RBFOX1: variants seen among roughly 807,000 people sequenced by gnomAD.
The protein encoded by RBFOX1 is RNA binding fox-1 homolog 1, also known as RNA binding protein fox-1 homolog 1.
In RBFOX1, 8 loss-of-function variants were observed where a neutral mutation model predicts 57.7. The ratio of observed to expected loss-of-function variants is 0.14; its 90% CI spans 0.08 to 0.25. The LOEUF is 0.25. RBFOX1 is among the 10% of genes least tolerant of loss of function. The pLI, the probability that RBFOX1 is intolerant of heterozygous loss-of-function variation, is 1.00. For missense variants in RBFOX1, 611 were observed against 548.5 expected (o/e 1.11, Z -1.14); for synonymous variants, 326 against 222.4 (o/e 1.47, Z -4.15).
chr16:7,704,891 G>A (rs1398852470), intron 14 of RBFOX1, among the ~76,000 whole-genome samples: 5 of 151,696 alleles, frequency 3.3e-5, no homozygotes, highest in Non-Finnish European at 7.4e-5. Context: ...TCTACAAAAT[G>A]CAAAATTTAG....
At chr16:6,841,789 C>T (rs192787792) in intron 3 of RBFOX1, among the ~76,000 whole-genome samples, 1 of 152,202 alleles carries the variant, frequency 6.6e-6, no homozygotes, top group South Asian at 2.1e-4. Flanking sequence ...ATTCTCAAGC[C>T]AGTGAACATC....
chr16:6,954,183 G>T (rs1381944299), intron 3 of RBFOX1, among the ~76,000 whole-genome samples: 3 of 152,176 alleles, frequency 2.0e-5, no homozygotes, highest in African/African-American at 7.2e-5. Flanking sequence ...ATGTCAAAAA[G>T]TTACTCACAT....
At chr16:6,203,405 G>A (rs556094204) in intron 1 of RBFOX1, among the ~76,000 whole-genome samples, 1 of 152,196 alleles carries the variant, frequency 6.6e-6, no homozygotes, top group South Asian at 2.1e-4. Flanking sequence ...GTCTGTCCAA[G>A]TAAATCCAAA....
At chr16:6,701,681 G>A (rs117844180) in intron 3 of RBFOX1, among the ~76,000 whole-genome samples, 4 of 152,100 alleles carry the variant, frequency 2.6e-5, no homozygotes, top group Middle Eastern at 3.2e-3. Flanking sequence ...ATTCATAATA[G>A]CAAAGACATG....
chr16:5,790,334 AG>A (rs1190925183), intron 3 of RBFOX1, among the ~76,000 whole-genome samples: 2 of 152,172 alleles, frequency 1.3e-5, no homozygotes, highest in African/African-American at 4.8e-5. Flanking sequence ...TGCCAGAGGG[AG>A]AAACCCCTGC....
intron 3 of RBFOX1, among the ~76,000 whole-genome samples, chr16:6,714,654 C>G (rs540849792): frequency 3.2e-4 from 48 of 152,206 alleles, no homozygotes; most frequent in African/African-American, 1.1e-3. Flanking sequence ...ACAGCCAGGT[C>G]CATGTGCACT....
chr16:6,187,944 G>T (rs2097115798), intron 1 of RBFOX1, among the ~76,000 whole-genome samples: 1 of 152,090 alleles, frequency 6.6e-6, no homozygotes, highest in South Asian at 2.1e-4. Context: ...GCACATGAAT[G>T]TGTGTATTTA....
At chr16:6,158,667 A>C (rs1229465835) in intron 1 of RBFOX1, among the ~76,000 whole-genome samples, 6 of 152,224 alleles carry the variant, frequency 3.9e-5, no homozygotes, top group African/African-American at 1.4e-4. Context: ...AGAAAAAGTC[A>C]GACAAAAGTC....
chr16:6,548,270 C>T (rs530218023), intron 2 of RBFOX1, among the ~76,000 whole-genome samples: 2 of 152,244 alleles, frequency 1.3e-5, no homozygotes, highest in African/African-American at 4.8e-5. Flanking sequence ...GTCAAAAAAG[C>T]TATAGTGTCC....
rs950660037 is a variant in RBFOX1, at chr16:7,446,896, T to C, written c.28-71251T>C. Among the ~76,000 whole-genome samples the C allele has an allele frequency of 1.0e-4, 13 of 124,274 alleles. No homozygotes were observed. The Admixed American group carries it at 1.1e-3, about 10-fold the overall frequency. 81.5% of individuals were successfully genotyped at this position (124,274 alleles called of 152,430 possible). ...AGTGTGATCTCGGCTCACTGCAAACTCCACCTCCTGGGTTCACAGCATTCT... is the reference window on the plus strand; with the variant it reads ...AGTGTGATCTCGGCTCACTGCAAACCCCACCTCCTGGGTTCACAGCATTCT... On this transcript the variant is annotated intron_variant, in intron 4 of 15. Transcript: ENST00000550418.
At chr16:5,530,401 C>G (rs986594290) in intron 2 of RBFOX1, among the ~76,000 whole-genome samples, 1 of 152,096 alleles carries the variant, frequency 6.6e-6, no homozygotes, top group Non-Finnish European at 1.5e-5. Flanking sequence ...AGTGACTTGC[C>G]CAAGGTCAAG....
At chr16:7,425,752 C>G (rs528820726) in intron 4 of RBFOX1, among the ~76,000 whole-genome samples, 57 of 152,312 alleles carry the variant, frequency 3.7e-4, no homozygotes, top group African/African-American at 1.3e-3. Flanking sequence ...CCTCTTTTAA[C>G]AAATCCTCCC....
chr16:5,645,788 C>G (rs1425067630), intron 3 of RBFOX1, among the ~76,000 whole-genome samples: 3 of 152,180 alleles, frequency 2.0e-5, no homozygotes, highest in African/African-American at 7.2e-5. Flanking sequence ...GCCTCAGCTT[C>G]TTGAGTAGCT....
intron 3 of RBFOX1, among the ~76,000 whole-genome samples, chr16:5,762,175 C>G (rs1042477771): frequency 1.3e-5 from 2 of 152,156 alleles, no homozygotes; most frequent in Non-Finnish European, 2.9e-5. Flanking sequence ...ATTCTTTCCT[C>G]TTCATCCTAG....
chr16:5,514,214 A>T (rs1011274828), intron 2 of RBFOX1, among the ~76,000 whole-genome samples: 3 of 152,138 alleles, frequency 2.0e-5, no homozygotes, highest in Non-Finnish European at 1.5e-5. Flanking sequence ...GCCCTCTCGT[A>T]TGTCTGAGGG....
At chr16:5,701,552 C>G (rs183119614) in intron 3 of RBFOX1, among the ~76,000 whole-genome samples, 1 of 152,122 alleles carries the variant, frequency 6.6e-6, no homozygotes, top group African/African-American at 2.4e-5. Flanking sequence ...AAGCCATTCT[C>G]TCCAGTGGCT....
At chr16:5,716,919 C>G (rs1019693805) in intron 3 of RBFOX1, among the ~76,000 whole-genome samples, 9 of 152,138 alleles carry the variant, frequency 5.9e-5, no homozygotes, top group Admixed American at 5.2e-4. Context: ...CTCCCAGCAC[C>G]GGAGCCTGGA....
chr16:5,901,056 A>G (rs1270840399), intron 4 of RBFOX1, among the ~76,000 whole-genome samples: 1 of 152,152 alleles, frequency 6.6e-6, no homozygotes. Context: ...CCATTATTCC[A>G]GAGCACCAGC....
intron 2 of RBFOX1, among the ~76,000 whole-genome samples, chr16:6,601,564 C>T (rs570092844): frequency 6.6e-6 from 1 of 152,114 alleles, no homozygotes; most frequent in Admixed American, 6.5e-5. Flanking sequence ...TTGGAGTTAG[C>T]TCTGGTTAAA....
Sources: allele counts gnomAD v4.1 joint callset (sites outside exome capture counted in the v4.1 genomes callset), GRCh38; gene constraint gnomAD v4.1.1; transcripts MANE v1.5; gene names NCBI Gene and HGNC (gene_info 2026-07-23, HGNC 2026-07-21).